The following C10orf90 variants were observed in gnomAD, a reference collection of about 807,000 sequenced individuals.
The protein encoded by C10orf90 is (E2-independent) E3 ubiquitin-conjugating enzyme FATS.
A neutral mutation model predicts 62.5 loss-of-function variants in C10orf90; 56 were observed. That is an observed-to-expected ratio of 0.90 (90% CI 0.72 to 1.12). The LOEUF (loss-of-function observed/expected upper bound fraction) is 1.12. Among genes scored for constraint, C10orf90 ranks in the 50% most tolerant of loss-of-function variants. The pLI, the probability that C10orf90 is intolerant of heterozygous loss-of-function variation, is 0.00. For missense variants in C10orf90, 970 were observed against 880.4 expected (o/e 1.10, Z -1.29); for synonymous variants, 386 against 340.4 (o/e 1.13, Z -1.47).
chr10:126,612,287 C>T (rs1845451550), intron 2 of C10orf90, among the ~76,000 whole-genome samples: 1 of 152,158 alleles, frequency 6.6e-6, no homozygotes. Flanking sequence ...CACCACCACA[C>T]TCCAGCCTGG....
chr10:126,606,979 G>C (rs570120168), intron 2 of C10orf90, among the ~76,000 whole-genome samples: 53 of 152,274 alleles, frequency 3.5e-4, no homozygotes, highest in African/African-American at 1.2e-3. Context: ...ATTCTCAAAA[G>C]ATAGGGATTT....
chr10:126,561,799 C>T (rs1554916294), intron 2 of C10orf90, among the ~76,000 whole-genome samples: 2 of 152,124 alleles, frequency 1.3e-5, no homozygotes, highest in Non-Finnish European at 2.9e-5. Context: ...CCCCTTTCCC[C>T]GGGCCCCGGG....
At chr10:126,442,699 C>T (rs1007782686) in intron 7 of C10orf90, among the ~76,000 whole-genome samples, 5 of 126,630 alleles carry the variant, frequency 3.9e-5, no homozygotes, top group Admixed American at 8.1e-5. Flanking sequence ...CCAACAACCA[C>T]AGAATACACA....
At chr10:126,473,832 T>C (rs1336436988) in intron 4 of C10orf90, among the ~76,000 whole-genome samples, 1 of 152,120 alleles carries the variant, frequency 6.6e-6, no homozygotes, top group Admixed American at 6.5e-5. Context: ...GGGCCCACTC[T>C]GGGGTTTCCA....
intron 2 of C10orf90, among the ~76,000 whole-genome samples, chr10:126,522,552 C>A (rs924316298): frequency 9.2e-5 from 14 of 152,210 alleles, no homozygotes; most frequent in Non-Finnish European, 1.6e-4. Context: ...TGGTCAGTGT[C>A]TCCGTCATGT....
At chr10:126,505,190 A>T (rs2133890119) in intron 3 of C10orf90, 105 bp from the exon 4 acceptor site, 1 of 1,191,202 alleles carries the variant, frequency 8.4e-7, no homozygotes, top group East Asian at 2.5e-5. Flanking sequence ...GGTTCATAAC[A>T]CTCAGATGTC....
chr10:126,473,284 C>G (rs1860682600), intron 4 of C10orf90, among the ~76,000 whole-genome samples: 1 of 152,182 alleles, frequency 6.6e-6, no homozygotes, highest in African/African-American at 2.4e-5. Flanking sequence ...CCCTCAAGTC[C>G]CCACCACCTC....
chr10:126,557,222 C>G (rs1591095408), intron 2 of C10orf90, among the ~76,000 whole-genome samples: 1 of 151,964 alleles, frequency 6.6e-6, no homozygotes, highest in Admixed American at 6.6e-5. Context: ...TGGCTGACAC[C>G]TGTAAGCCCA....
chr10:126,553,465 C>T (rs943848938), intron 2 of C10orf90, among the ~76,000 whole-genome samples: 1 of 152,056 alleles, frequency 6.6e-6, no homozygotes, highest in South Asian at 2.1e-4. Context: ...AATGACAGAC[C>T]ACATATATGA....
At chr10:126,645,770 T>C (rs1353095745) in intron 2 of C10orf90, among the ~76,000 whole-genome samples, 2 of 152,166 alleles carry the variant, frequency 1.3e-5, no homozygotes, top group Non-Finnish European at 2.9e-5. Flanking sequence ...GATATAAATG[T>C]GTCTATGTGT....
At chr10:126,464,642 A>T in intron 5 of C10orf90, 54 bp downstream of exon 5, 1 of 1,547,106 alleles carries the variant, frequency 6.5e-7, no homozygotes, top group Non-Finnish European at 8.8e-7. Flanking sequence ...CAATCAACAA[A>T]TTTTTATCGA....
chr10:126,564,320 G>A (rs1844251855), intron 2 of C10orf90, among the ~76,000 whole-genome samples: 3 of 152,030 alleles, frequency 2.0e-5, no homozygotes, highest in Non-Finnish European at 4.4e-5. Context: ...GCACAGAAGA[G>A]GGTCTAGAAG....
At chr10:126,468,047 A>T (rs1860383362) in intron 4 of C10orf90, among the ~76,000 whole-genome samples, 1 of 151,114 alleles carries the variant, frequency 6.6e-6, no homozygotes, top group Non-Finnish European at 1.5e-5. Flanking sequence ...ATGTTTTTAT[A>T]TCAAAATTCT....
intron 2 of C10orf90, among the ~76,000 whole-genome samples, chr10:126,539,755 T>A (rs72831277): frequency 6.6e-6 from 1 of 152,346 alleles, no homozygotes; most frequent in Non-Finnish European, 1.5e-5. Flanking sequence ...ATTAAATACG[T>A]TGCATGACTT....
Position 126,491,956 on chromosome 10 carries a change from T to A in C10orf90, c.1534+12001A>T, listed in dbSNP as rs373691633. Among the ~76,000 whole-genome samples, 14 of 152,336 alleles carry A rather than the reference T, an allele frequency of 9.2e-5. No individual in the cohort carries two copies. The South Asian group carries it at 1.9e-3, about 20-fold the overall frequency. On this transcript the variant is annotated intron_variant, in intron 4 of 9. Transcript: ENST00000488181. ...AGGTTACAGAAGTCCTTTCTAAGCC[T>A]GTCTGTGAAAAGACAAAGGGGAAAA...
At chr10:126,545,972 A>G (rs1228436483) in intron 2 of C10orf90, among the ~76,000 whole-genome samples, 2 of 152,128 alleles carry the variant, frequency 1.3e-5, no homozygotes, top group African/African-American at 4.8e-5. Flanking sequence ...TGGAGAGGAG[A>G]AAGACTAGCT....
At chr10:126,502,992 C>T (rs1375474223) in intron 4 of C10orf90, among the ~76,000 whole-genome samples, 1 of 152,110 alleles carries the variant, frequency 6.6e-6, no homozygotes, top group Admixed American at 6.5e-5. Context: ...AAATGTTTTA[C>T]AGTCATTTTT....
chr10:126,563,569 A>G (rs1392399070), intron 2 of C10orf90, among the ~76,000 whole-genome samples: 1 of 152,146 alleles, frequency 6.6e-6, no homozygotes, highest in African/African-American at 2.4e-5. Flanking sequence ...TTGTGTGAAA[A>G]TGTGTGGACC....
chr10:126,458,942 G>A, intron 7 of C10orf90, 98 bp downstream of exon 7: 13 of 1,272,588 alleles, frequency 1.0e-5, no homozygotes, highest in Non-Finnish European at 1.4e-5. Context: ...GTATGTCAGT[G>A]GCATCATTTG....
Sources: gnomAD v4.1 joint callset for allele counts (sites outside exome capture counted in the v4.1 genomes callset) on GRCh38, gnomAD v4.1.1 for gene constraint, MANE v1.5 for transcripts, NCBI Gene and HGNC (gene_info 2026-07-23, HGNC 2026-07-21) for gene names.